The following SDK1 variants were observed in gnomAD, a reference collection of about 807,000 sequenced individuals.
The protein encoded by SDK1 is sidekick cell adhesion molecule 1, also known as protein sidekick-1.
Under a neutral mutation model 245.5 loss-of-function variants are expected in SDK1, and 157 were observed. The observed-to-expected ratio is 0.64, with a 90% CI of 0.56 to 0.73. The LOEUF (loss-of-function observed/expected upper bound fraction) is 0.73. SDK1 is among the 30% of genes least tolerant of loss of function. The pLI is 0.00. For synonymous variants in SDK1, 1,647 were observed against 1,278.5 expected (o/e 1.29, Z -6.15); for missense variants, 3,583 against 3,002.3 (o/e 1.19, Z -4.52).
At position 4,079,572 on chromosome 7, in the gene SDK1, T is replaced by A; in HGVS notation, c.3312T>A (p.Ile1104=). ...GGAAAACGTCCATCTCCAGGTGGAT[T>A]GTTGAGGGGCAGGTACGTGTGTCGT... is the stretch of plus-strand genomic sequence containing the variant. ...YDGKTSISRW[I]VEGQVGAIGD... The change falls in exon 22 of 45, where the codon ATT becomes ATA. Residue 1104 remains isoleucine (I), a synonymous_variant. Coordinates refer to ENST00000404826, the MANE Select transcript of SDK1 (RefSeq NM_152744.4). 6.2e-7 allele frequency: 1 copy of A among 1,614,136 alleles called. No homozygotes were observed. The highest frequency in any genetic ancestry group is 8.5e-7 in the Non-Finnish European group (1 of 1,180,016).
At chr7:3,952,076 T>G (rs905489105) in intron 7 of SDK1, 156 bp downstream of exon 7, 1 of 661,400 alleles carries the variant, frequency 1.5e-6, no homozygotes, top group African/African-American at 1.8e-5. Flanking sequence ...TTCCTAGCCT[T>G]CTTTCCCAAG....
chr7:3,474,548 G>T (rs1426582980), intron 1 of SDK1, among the ~76,000 whole-genome samples: 1 of 151,892 alleles, frequency 6.6e-6, no homozygotes, highest in South Asian at 2.1e-4. Flanking sequence ...CACATTGGAC[G>T]TTTACCTCTC....
intron 25 of SDK1, among the ~76,000 whole-genome samples, chr7:4,123,621 T>A (rs541313680): frequency 1.3e-5 from 2 of 152,212 alleles, no homozygotes; most frequent in Admixed American, 1.3e-4. Flanking sequence ...GACACCTCTC[T>A]ACTCAAATAA....
chr7:3,816,035 C>G (rs1223910597), intron 4 of SDK1, among the ~76,000 whole-genome samples: 2 of 142,634 alleles, frequency 1.4e-5, no homozygotes, highest in Non-Finnish European at 3.0e-5. Flanking sequence ...TAAAGATGTT[C>G]TTTGAAACCA....
chr7:3,586,620 G>A (rs1002401944), intron 1 of SDK1, among the ~76,000 whole-genome samples: 110 of 151,464 alleles, frequency 7.3e-4, no homozygotes, highest in African/African-American at 2.5e-3. Flanking sequence ...CAGGAGAATG[G>A]CATGAACCCG....
chr7:3,819,893 C>T (rs1035219210), intron 4 of SDK1, among the ~76,000 whole-genome samples: 1 of 152,168 alleles, frequency 6.6e-6, no homozygotes, highest in Non-Finnish European at 1.5e-5. Flanking sequence ...TAAAATTCCT[C>T]ATGAGAGATT....
intron 5 of SDK1, among the ~76,000 whole-genome samples, chr7:3,875,213 T>A (rs1781046873): frequency 7.0e-6 from 1 of 141,962 alleles, no homozygotes; most frequent in Non-Finnish European, 1.5e-5. Context: ...GAGTTAGTTT[T>A]TTCCCTGTAC....
chr7:3,971,122 C>G (rs1337336198), intron 11 of SDK1, among the ~76,000 whole-genome samples: 3 of 152,150 alleles, frequency 2.0e-5, no homozygotes, highest in South Asian at 2.1e-4. Context: ...CTAGAAATGA[C>G]TAGAATGATG....
intron 5 of SDK1, among the ~76,000 whole-genome samples, chr7:3,856,385 T>A (rs1160861673): frequency 6.6e-6 from 1 of 151,414 alleles, no homozygotes; most frequent in East Asian, 1.9e-4. Flanking sequence ...TATCAGGTAG[T>A]TCAAATAGAT....
chr7:4,054,627 G>C (rs1779090755), intron 19 of SDK1, among the ~76,000 whole-genome samples: 1 of 151,996 alleles, frequency 6.6e-6, no homozygotes, highest in African/African-American at 2.4e-5. Flanking sequence ...TCCTTTTCTT[G>C]CATGATTTGC....
intron 4 of SDK1, among the ~76,000 whole-genome samples, chr7:3,773,142 C>T (rs55702014): frequency 0.047 from 7,112 of 152,158 alleles, 241 homozygotes; most frequent in Middle Eastern, 0.11. Flanking sequence ...TGTTCTTTCT[C>T]CCTCTCTTCT....
chr7:4,192,093 A>T (rs1418134619), intron 35 of SDK1, among the ~76,000 whole-genome samples: 1 of 152,180 alleles, frequency 6.6e-6, no homozygotes, highest in Non-Finnish European at 1.5e-5. Context: ...AAGCATACAC[A>T]GAAGGAGACA....
At chr7:4,112,919 A>AG (rs1783441880) in intron 23 of SDK1, among the ~76,000 whole-genome samples, 2 of 151,874 alleles carry the variant, frequency 1.3e-5, no homozygotes, top group Non-Finnish European at 2.9e-5. Flanking sequence ...ACGCCTGGCT[A>AG]ATTTTTGTAT....
In SDK1 at chr7:3,619,217, A is replaced by C; in HGVS notation, c.436A>C (p.Thr146Pro). The C allele has an allele frequency of 6.2e-7, 1 of 1,612,590 alleles. No homozygotes were observed. Among genetic ancestry groups the C allele is most frequent in the Non-Finnish European group, 8.5e-7 (1 of 1,178,678 alleles). Residue 146 changes from threonine to proline, a missense_variant, in exon 2 of 45, where the codon ACC becomes CCC. By Grantham distance (38) the Thr-to-Pro change is conservative. Transcript: ENST00000404826. The stretch of plus-strand genomic sequence containing the variant: ...GTGGATGCGCGATGACAGTGAGCTC[A>C]CCACCTACAGCAGCGAATATAAGTA... The part of the protein sequence containing the change: ...FKWMRDDSEL[T>P]TYSSEYKYII...
intron 5 of SDK1, among the ~76,000 whole-genome samples, chr7:3,889,133 A>G (rs1781399496): frequency 6.6e-6 from 1 of 152,238 alleles, no homozygotes. Context: ...GCTGATAAAA[A>G]TTGAGACTGA....
chr7:3,929,755 G>A (rs1779907500), intron 5 of SDK1, among the ~76,000 whole-genome samples: 1 of 152,138 alleles, frequency 6.6e-6, no homozygotes, highest in Non-Finnish European at 1.5e-5. Flanking sequence ...GATGGCTGAT[G>A]AGGTCATTTG....
intron 1 of SDK1, among the ~76,000 whole-genome samples, chr7:3,326,414 T>G (rs1056524854): frequency 9.2e-5 from 14 of 152,230 alleles, no homozygotes; most frequent in African/African-American, 3.4e-4. Context: ...AGTCATAGTT[T>G]AGTTTACTCT....
At chr7:3,780,825 C>T (rs556516925) in intron 4 of SDK1, among the ~76,000 whole-genome samples, 38 of 152,162 alleles carry the variant, frequency 2.5e-4, no homozygotes, top group Non-Finnish European at 4.4e-4. Flanking sequence ...CACTACTCAG[C>T]CAAAAAGCCT....
intron 25 of SDK1, among the ~76,000 whole-genome samples, chr7:4,123,595 A>G (rs558860333): frequency 6.6e-6 from 1 of 152,298 alleles, no homozygotes; most frequent in Admixed American, 6.5e-5. Context: ...TCACATTGCA[A>G]GTATTCCCTT....
Sources: gnomAD v4.1 joint callset for allele counts (sites outside exome capture counted in the v4.1 genomes callset) on GRCh38, gnomAD v4.1.1 for gene constraint, MANE v1.5 for transcripts, NCBI Gene and HGNC (gene_info 2026-07-23, HGNC 2026-07-21) for gene names.